Variants in NT5DC3 observed in about 807,000 individuals in gnomAD.
NT5DC3 encodes the protein 5'-nucleotidase domain containing 3.
Under a neutral mutation model 67.8 loss-of-function variants are expected in NT5DC3, and 42 were observed. That is an observed-to-expected ratio of 0.62 (90% CI 0.48 to 0.80). The LOEUF is 0.80. NT5DC3 is among the 30% of genes least tolerant of loss of function. The probability of loss-of-function intolerance (pLI) is 0.00; values close to 1 mark genes in which losing one functional copy is unlikely to be tolerated. For missense variants in NT5DC3, 570 were observed against 696.4 expected, an observed-to-expected ratio of 0.82 and a Z score of 2.04; for synonymous variants, 237 against 255.6, an observed-to-expected ratio of 0.93 and a Z score of 0.69.
chr12:103,760,661 G>A, the NT5DC3 span, among the ~76,000 whole-genome samples: 1 of 152,184 alleles, frequency 6.6e-6, no homozygotes, highest in African/African-American at 2.4e-5. Context: ...GGTGGAGGTG[G>A]TGATAACCAT....
At chr12:103,780,035 A>G (rs1023384277) in intron 13 of NT5DC3, among the ~76,000 whole-genome samples, 1 of 152,198 alleles carries the variant, frequency 6.6e-6, no homozygotes, top group African/African-American at 2.4e-5. Context: ...GGAAGGAGGA[A>G]TGAGATGGGA....
At chr12:103,810,634 T>C (rs893713514) in intron 2 of NT5DC3, among the ~76,000 whole-genome samples, 3 of 152,234 alleles carry the variant, frequency 2.0e-5, no homozygotes, top group Non-Finnish European at 2.9e-5. Context: ...TTTGTTCTAA[T>C]CCCAGTTAAA....
intron 12 of NT5DC3, among the ~76,000 whole-genome samples, chr12:103,780,978 A>T (rs574972184): frequency 1.2e-3 from 150 of 130,062 alleles, no homozygotes; most frequent in African/African-American, 3.8e-3. Flanking sequence ...ATTTAAAAAA[A>T]CAATTATTTT....
intron 2 of NT5DC3, among the ~76,000 whole-genome samples, chr12:103,813,977 T>C (rs1212091851): frequency 6.6e-6 from 1 of 152,204 alleles, no homozygotes; most frequent in African/African-American, 2.4e-5. Flanking sequence ...TATCACCTTC[T>C]TCTTTGCTTC....
chr12:103,764,359 G>A, the NT5DC3 span, among the ~76,000 whole-genome samples: 1 of 152,250 alleles, frequency 6.6e-6, no homozygotes, highest in African/African-American at 2.4e-5. Context: ...TCTTTGATGA[G>A]GCCTTATAGT....
chr12:103,799,910 T>G (rs888097527), intron 4 of NT5DC3, among the ~76,000 whole-genome samples: 13 of 151,496 alleles, frequency 8.6e-5, no homozygotes, highest in African/African-American at 3.1e-4. Flanking sequence ...ACTCATCCAC[T>G]CTCAAGCGTC....
chr12:103,755,458 C>T, the NT5DC3 span: 10 of 1,613,832 alleles, frequency 6.2e-6, no homozygotes, highest in African/African-American at 4.0e-5. Context: ...CTTCTGCTAT[C>T]GGATGAAAGG....
At position 103,775,184 on chromosome 12, in the gene NT5DC3, G is replaced by A. The variant is rs926159177; in HGVS notation, c.*2645C>T. 3.9e-5 allele frequency: 6 copies of A among 152,210 alleles called. No homozygotes were observed. The highest frequency in any genetic ancestry group is 8.8e-5 in the Non-Finnish European group (6 of 68,046). The allele number at this position is 152,210 out of a possible 1,614,324, so 9.4% of individuals were successfully genotyped here. ...ACAGTCTGCAAGGTACACAGTCAGTGAGCCTTGGTGGCCCAGATGTCAGGC... is the reference window on the plus strand; with the variant it reads ...ACAGTCTGCAAGGTACACAGTCAGTAAGCCTTGGTGGCCCAGATGTCAGGC... On this transcript the variant is annotated 3_prime_UTR_variant, in exon 14 of 14. Coordinates refer to ENST00000392876, the MANE Select transcript of NT5DC3 (RefSeq NM_001031701.3).
chr12:103,793,843 T>G, intron 7 of NT5DC3, 94 bp downstream of exon 7: 1 of 1,021,412 alleles, frequency 9.8e-7, no homozygotes, highest in Admixed American at 1.7e-5. Flanking sequence ...ATGCAGCCTC[T>G]GCTTAGCACC....
chr12:103,757,014 TATATATATATATATATAAA>T, the NT5DC3 span, among the ~76,000 whole-genome samples: 7 of 141,544 alleles, frequency 4.9e-5, no homozygotes, highest in East Asian at 8.4e-4. Context: ...TATATATATA[TATATATATATATATATAAA>T]ATATATATAT....
At chr12:103,805,553 G>A (rs898092124) in intron 4 of NT5DC3, among the ~76,000 whole-genome samples, 2 of 152,004 alleles carry the variant, frequency 1.3e-5, no homozygotes, top group East Asian at 1.9e-4. Flanking sequence ...CATTTTAAAA[G>A]TTACAAAGAC....
intron 6 of NT5DC3, among the ~76,000 whole-genome samples, chr12:103,796,441 C>T (rs1250549276): frequency 2.6e-5 from 4 of 152,066 alleles, no homozygotes; most frequent in African/African-American, 9.7e-5. Flanking sequence ...CACTTGAACC[C>T]GGGAGGCCCG....
chr12:103,834,853 T>C (rs1268631156), intron 1 of NT5DC3, among the ~76,000 whole-genome samples: 2 of 152,126 alleles, frequency 1.3e-5, no homozygotes, highest in Non-Finnish European at 2.9e-5. Context: ...ACAGATCAAG[T>C]GGCCAGAAAG....
At chr12:103,794,298 C>T (rs922653817) in intron 6 of NT5DC3, among the ~76,000 whole-genome samples, 11 of 152,076 alleles carry the variant, frequency 7.2e-5, no homozygotes, top group Admixed American at 1.3e-4. Flanking sequence ...TACAGGCGCC[C>T]GCCAGCACAT....
At chr12:103,788,392 A>G (rs1481887115) in intron 10 of NT5DC3, among the ~76,000 whole-genome samples, 4 of 152,248 alleles carry the variant, frequency 2.6e-5, no homozygotes, top group South Asian at 2.1e-4. Flanking sequence ...GCTATAGTGA[A>G]TCATGTTCAT....
downstream of NT5DC3, among the ~76,000 whole-genome samples, chr12:103,768,601 A>G (rs113024431): frequency 0.054 from 9 of 168 alleles, no homozygotes; most frequent in Non-Finnish European, 0.071. Flanking sequence ...GGGAGAGGGA[A>G]AGGGGGAGAG....
rs1277920970 is a variant in NT5DC3, at chr12:103,805,181, G to C, written c.524+1141C>G. ...GAGGAATGAGACTGGAGAAGTGGGA[G>C]GAGGTGCCAGAAAGCTAAGTCCTTA... On this transcript the variant is annotated intron_variant, in intron 4 of 13. Transcript: ENST00000392876. Among the ~76,000 whole-genome samples, 3 of 152,160 alleles carry C rather than the reference G, an allele frequency of 2.0e-5. No homozygotes were observed. The East Asian group carries it at 5.8e-4, about 29-fold the overall frequency.
In NT5DC3 at chr12:103,787,491, T is replaced by G. The variant is rs1161204656; in HGVS notation, c.1138A>C (p.Arg380=). The G allele has an allele frequency of 6.2e-7, 1 of 1,602,436 alleles. No individual in the cohort carries two copies. The highest frequency in any genetic ancestry group is 8.5e-7 in the Non-Finnish European group (1 of 1,173,178). ...CCAAAATACAACACTCTGGATCCTC[T>G]CCATCCAGTAAGCTTCAAAAATTCA... The part of the protein sequence containing the change: ...LYEFLKLTGW[R]GSRVLYFGDH... Residue 380 remains arginine, a synonymous_variant, in exon 11 of 14, where the codon AGA becomes CGA. Transcript: ENST00000392876.
At chr12:103,759,250 G>A in the NT5DC3 span, 3 of 1,614,110 alleles carry the variant, frequency 1.9e-6, no homozygotes, top group Middle Eastern at 1.6e-4. Context: ...GCTCATCACT[G>A]CCAGCCAGGA....
Sources: allele counts gnomAD v4.1 joint callset (sites outside exome capture counted in the v4.1 genomes callset), GRCh38; gene constraint gnomAD v4.1.1; transcripts MANE v1.5; gene names NCBI Gene and HGNC (gene_info 2026-07-23, HGNC 2026-07-21).